The following SEMA5A variants were observed in gnomAD, a reference collection of about 807,000 sequenced individuals.
SEMA5A encodes the protein semaphorin 5A.
SEMA5A carries 55 observed loss-of-function variants against 135.5 expected under a neutral mutation model. The ratio of observed to expected loss-of-function variants is 0.41; its 90% CI spans 0.33 to 0.51. The LOEUF (loss-of-function observed/expected upper bound fraction) is 0.51. Ranked by LOEUF, SEMA5A falls within the 20% of genes least tolerant of loss-of-function variation. SEMA5A has a pLI of 0.37. For synonymous variants in SEMA5A, 580 were observed against 546.5 expected, an observed-to-expected ratio of 1.06 and a Z score of -0.85; for missense variants, 1,290 against 1,419.9, an observed-to-expected ratio of 0.91 and a Z score of 1.47.
intron 11 of SEMA5A, among the ~76,000 whole-genome samples, chr5:9,186,681 TAC>T (rs1442791912): frequency 6.6e-6 from 1 of 152,252 alleles, no homozygotes; most frequent in Non-Finnish European, 1.5e-5. Context: ...TTTTTAGATT[TAC>T]CTTTTTAATT....
At chr5:9,128,007 C>G (rs1395966524) in intron 13 of SEMA5A, among the ~76,000 whole-genome samples, 1 of 152,190 alleles carries the variant, frequency 6.6e-6, no homozygotes, top group Non-Finnish European at 1.5e-5. Flanking sequence ...ATCTCCTGTC[C>G]TGGAGGGAAC....
intron 16 of SEMA5A, among the ~76,000 whole-genome samples, chr5:9,075,078 T>A (rs995884390): frequency 6.6e-6 from 1 of 152,192 alleles, no homozygotes; most frequent in Non-Finnish European, 1.5e-5. Context: ...CACAATAAAA[T>A]ACAATAGAAA....
intron 5 of SEMA5A, among the ~76,000 whole-genome samples, chr5:9,259,418 T>C (rs945131839): frequency 8.6e-5 from 13 of 151,834 alleles, no homozygotes; most frequent in Non-Finnish European, 1.6e-4. Flanking sequence ...GTCTGAGAGA[T>C]AGTTTGTTAT....
chr5:9,162,564 G>GTT (rs1331354641), intron 11 of SEMA5A, among the ~76,000 whole-genome samples: 2 of 84,016 alleles, frequency 2.4e-5, no homozygotes, highest in Non-Finnish European at 5.5e-5. Flanking sequence ...GTGTGTGTGT[G>GTT]TATATATATA....
In SEMA5A at chr5:9,442,382, G is replaced by A. The variant is rs572169312; in HGVS notation, c.-174-4530C>T. Among the ~76,000 whole-genome samples the A allele has an allele frequency of 3.3e-5, 5 of 152,266 alleles. No individual in the cohort carries two copies. The East Asian group carries it at 7.7e-4, about 24-fold the overall frequency. ...TTGTGGGGGAAGAAGCACTGTCCACGTGTCTCCACTGGAAAGAGACCATCA... is the reference window on the plus strand; with the variant it reads ...TTGTGGGGGAAGAAGCACTGTCCACATGTCTCCACTGGAAAGAGACCATCA... On this transcript the variant is annotated intron_variant, in intron 1 of 22. Transcript: ENST00000382496.
chr5:9,326,562 C>G (rs1374444790), intron 4 of SEMA5A, among the ~76,000 whole-genome samples: 1 of 151,780 alleles, frequency 6.6e-6, no homozygotes, highest in East Asian at 2.0e-4. Flanking sequence ...GACAGATCAC[C>G]TGAGGTCAGT....
intron 1 of SEMA5A, among the ~76,000 whole-genome samples, chr5:9,471,918 A>T (rs2126756110): frequency 6.6e-6 from 1 of 152,380 alleles, no homozygotes; most frequent in Middle Eastern, 3.4e-3. Context: ...TAGAAAAAGT[A>T]ACAACCTGCT....
chr5:9,319,299 C>T (rs566970464), intron 4 of SEMA5A, among the ~76,000 whole-genome samples: 1 of 152,210 alleles, frequency 6.6e-6, no homozygotes, highest in East Asian at 1.9e-4. Context: ...ACTTGGTGGT[C>T]TGCCCAAAGG....
rs764913128 is a variant in SEMA5A at position 9,066,513 on chromosome 5, C to T, written c.2207G>A (p.Arg736His). 5.0e-6 allele frequency: 8 copies of T among 1,613,954 alleles called. No homozygotes were observed. Among genetic ancestry groups the T allele is most frequent in the Middle Eastern group, 1.6e-4 (1 of 6,084 alleles). Residue 736 changes from arginine (R) to histidine (H), a missense_variant, in exon 17 of 23, where the codon CGC becomes CAC. Arg to His is a conservative substitution (Grantham distance 29). Around this residue, in one of 3 missense-constraint regions of SEMA5A, gnomAD observed 1,029 missense variants for 1,086.6 expected, o/e 0.95. Transcript: ENST00000382496. ...EQRFRYTCKA[R>H]LADPNLLEVG... is the part of the protein sequence containing the mutation. Reference sequence around the variant, plus strand: ...TTCCAGCAAATTCGGATCAGCCAGGCGGGCTTTGCATGTGTATCGGAATCG... The same window carrying T: ...TTCCAGCAAATTCGGATCAGCCAGGTGGGCTTTGCATGTGTATCGGAATCG...
intron 5 of SEMA5A, among the ~76,000 whole-genome samples, chr5:9,247,304 C>T (rs1435656286): frequency 6.6e-6 from 1 of 152,120 alleles, no homozygotes; most frequent in Non-Finnish European, 1.5e-5. Context: ...ATTGTGTATT[C>T]TGGCCAAATC....
chr5:9,045,976 A>G (rs1469659873), intron 21 of SEMA5A: 1 of 152,240 alleles, frequency 6.6e-6, no homozygotes, highest in African/African-American at 2.4e-5. Flanking sequence ...TAAAGTTTCA[A>G]GCTTTTCCAC....
intron 1 of SEMA5A, among the ~76,000 whole-genome samples, chr5:9,449,117 C>T (rs1452665258): frequency 2.6e-5 from 4 of 152,058 alleles, no homozygotes; most frequent in South Asian, 4.1e-4. Flanking sequence ...TACATGTACC[C>T]GTATGTTCAC....
At chr5:9,380,639 T>C (rs1346915787) in intron 2 of SEMA5A, among the ~76,000 whole-genome samples, 1 of 152,182 alleles carries the variant, frequency 6.6e-6, no homozygotes, top group African/African-American at 2.4e-5. Context: ...GTGAATCAAA[T>C]AAAATCTATA....
chr5:9,199,375 G>A (rs1314173747), intron 9 of SEMA5A, among the ~76,000 whole-genome samples: 2 of 152,076 alleles, frequency 1.3e-5, no homozygotes, highest in Non-Finnish European at 2.9e-5. Flanking sequence ...TGCTCTGGGG[G>A]CAAAGGACGG....
chr5:9,091,876 T>C (rs559030038), intron 16 of SEMA5A, among the ~76,000 whole-genome samples: 3 of 152,284 alleles, frequency 2.0e-5, no homozygotes, highest in African/African-American at 7.2e-5. Context: ...AGCACTGACC[T>C]CCTGAAGTCT....
At chr5:9,513,077 A>ATG (rs1164534067) in intron 1 of SEMA5A, among the ~76,000 whole-genome samples, 1 of 147,706 alleles carries the variant, frequency 6.8e-6, no homozygotes, top group African/African-American at 2.5e-5. Flanking sequence ...TAATATATAT[A>ATG]TATATATATG....
At chr5:9,274,401 CCA>C (rs1191575051) in intron 5 of SEMA5A, among the ~76,000 whole-genome samples, 1 of 152,068 alleles carries the variant, frequency 6.6e-6, no homozygotes, top group Non-Finnish European at 1.5e-5. Flanking sequence ...TTTTAACACC[CCA>C]CAGTCAATAT....
At chr5:9,365,461 CT>C (rs1754875489) in intron 3 of SEMA5A, among the ~76,000 whole-genome samples, 1 of 152,018 alleles carries the variant, frequency 6.6e-6, no homozygotes, top group African/African-American at 2.4e-5. Context: ...ATCTAGAGTG[CT>C]GTTCATCATT....
At chr5:9,047,843 T>A (rs908666323) in intron 21 of SEMA5A, among the ~76,000 whole-genome samples, 1 of 152,166 alleles carries the variant, frequency 6.6e-6, no homozygotes, top group Non-Finnish European at 1.5e-5. Flanking sequence ...ATTTAACCAA[T>A]AGCATCTCAG....
Sources: gnomAD v4.1 joint callset for allele counts (sites outside exome capture counted in the v4.1 genomes callset) on GRCh38, gnomAD v4.1.1 for gene constraint, gnomAD v4.1.1 regional missense constraint, MANE v1.5 for transcripts, NCBI Gene and HGNC (gene_info 2026-07-23, HGNC 2026-07-21) for gene names.